NFATC3: variants seen among roughly 807,000 people sequenced by gnomAD.
The protein encoded by NFATC3 is nuclear factor of activated T cells 3.
NFATC3 carries 46 observed loss-of-function variants against 98.6 expected under a neutral mutation model. That is an observed-to-expected ratio of 0.47 (90% confidence interval 0.37 to 0.60). The LOEUF (loss-of-function observed/expected upper bound fraction) is 0.60, where lower values mean the gene tolerates loss of function less well. Among genes scored for constraint, NFATC3 ranks in the 20% least tolerant of loss-of-function variants. The pLI, the probability that NFATC3 is intolerant of heterozygous loss-of-function variation, is 0.00. For synonymous variants in NFATC3, 512 were observed against 472.2 expected (o/e 1.08, Z -1.09); for missense variants, 1,256 against 1,295.5 (o/e 0.97, Z 0.47).
intron 2 of NFATC3, among the ~76,000 whole-genome samples, chr16:68,124,309 C>CT (rs1290784165): frequency 2.6e-5 from 4 of 151,806 alleles, no homozygotes; most frequent in Non-Finnish European, 5.9e-5. Context: ...GAGATGGGGT[C>CT]TTGCTTTGTT....
intron 8 of NFATC3, among the ~76,000 whole-genome samples, chr16:68,190,048 A>G (rs941038220): frequency 2.6e-5 from 4 of 152,246 alleles, no homozygotes; most frequent in African/African-American, 9.6e-5. Context: ...CCCAAAAACA[A>G]AAAAAAGAAA....
In NFATC3 at chr16:68,085,856, G is replaced by T. The variant is rs1461009981; in HGVS notation, c.103+72G>T. On this transcript the variant is annotated intron_variant, in intron 1 of 9. Transcript: ENST00000346183. ...TCGCAGGATCTCTCGCTCCCTCCCT[G>T]TTCCCTTGGATGACCGGAGACCGAT... is the stretch of plus-strand genomic sequence containing the variant. The T allele has an allele frequency of 3.3e-6, 4 of 1,195,490 alleles. No individual in the cohort carries two copies. In the East Asian group the frequency reaches 1.3e-4, roughly 38 times the overall value. The allele number at this position is 1,195,490 out of a possible 1,614,324, so 74.1% of individuals were successfully genotyped here.
At chr16:68,214,811 G>T (rs1390090964) in intron 9 of NFATC3, among the ~76,000 whole-genome samples, 1 of 152,160 alleles carries the variant, frequency 6.6e-6, no homozygotes, top group Non-Finnish European at 1.5e-5. Flanking sequence ...TGATGTGAAT[G>T]AAATCAGGAA....
intron 8 of NFATC3, 116 bp downstream of exon 8, chr16:68,183,482 C>T: frequency 9.6e-7 from 1 of 1,042,908 alleles, no homozygotes; most frequent in Admixed American, 2.8e-5. Flanking sequence ...AATGAAAACA[C>T]CAACAGATGC....
At position 68,191,372 on chromosome 16, in the gene NFATC3, G is replaced by A. The variant is rs1188786534; in HGVS notation, c.2703G>A (p.Gln901=). The change falls in exon 9 of 10, where the codon CAG becomes CAA. Residue 901 remains glutamine, a synonymous_variant. Transcript: ENST00000346183. ...QRSLSSPVAD[Q]ITGQPSSQLQ... is the part of the protein sequence containing the mutation. ...CTCTTTCTTCTCCAGTGGCTGACCA[G>A]ATTACAGGTCAGCCTTCGTCTCAGT... The A allele has an allele frequency of 2.5e-6, 4 of 1,614,034 alleles. No individual in the cohort carries two copies. The Admixed American group carries it at 5.0e-5, about 20-fold the overall frequency.
Position 68,138,684 on chromosome 16 carries a change from A to C in NFATC3, c.1401+12074A>C, listed in dbSNP as rs12597380. The C allele has an allele frequency of 6.3e-5, 81 of 1,287,202 alleles. No individual in the cohort carries two copies. The South Asian group carries it at 9.1e-4, about 15-fold the overall frequency. 79.7% of individuals were successfully genotyped at this position (1,287,202 alleles called of 1,614,324 possible). A position where few individuals can be genotyped will look rare whatever the true frequency, so the allele number is the denominator to read the frequency against. On this transcript the variant is annotated intron_variant, in intron 3 of 9. Coordinates refer to ENST00000346183, the MANE Select transcript of NFATC3 (RefSeq NM_173165.3). ...TGGCTACAAGTAGTCACATGGCCCT[A>C]CTTACATGCAGAAGTACTGGGAAAA...
chr16:68,173,597 A>G (rs545353801), intron 5 of NFATC3, among the ~76,000 whole-genome samples: 63 of 152,198 alleles, frequency 4.1e-4, no homozygotes, highest in Non-Finnish European at 5.9e-4. Flanking sequence ...ATGAATTTAA[A>G]AAGAAAGGCT....
intron 1 of NFATC3, among the ~76,000 whole-genome samples, chr16:68,098,297 A>AT (rs71382032): frequency 0.014 from 1,372 of 101,268 alleles, 80 homozygotes; most frequent in African/African-American, 0.053. Context: ...TATTATTATT[A>AT]TTATTTTTTT....
At chr16:68,139,762 T>G (rs1447076902) in intron 3 of NFATC3, among the ~76,000 whole-genome samples, 1 of 152,214 alleles carries the variant, frequency 6.6e-6, no homozygotes, top group African/African-American at 2.4e-5. Context: ...CAAAGCAGTT[T>G]GCTAATGTAG....
chr16:68,206,464 C>T (rs2041148140), intron 9 of NFATC3, among the ~76,000 whole-genome samples: 1 of 152,174 alleles, frequency 6.6e-6, no homozygotes, highest in Non-Finnish European at 1.5e-5. Flanking sequence ...TTTCCCTACT[C>T]TAGATACTTC....
intron 4 of NFATC3, among the ~76,000 whole-genome samples, chr16:68,158,896 G>C (rs113643858): frequency 9.9e-5 from 15 of 152,214 alleles, no homozygotes; most frequent in African/African-American, 3.6e-4. Context: ...TTATATGTAA[G>C]GAACACATGG....
In NFATC3 at chr16:68,174,481, G is replaced by C; in HGVS notation, c.1882G>C (p.Glu628Gln). The C allele has an allele frequency of 6.2e-7, 1 of 1,603,544 alleles. No individual in the cohort carries two copies. The highest frequency in any genetic ancestry group is 1.3e-5 in the African/African-American group (1 of 74,714). Residue 628 changes from glutamate to glutamine, a missense_variant, in exon 6 of 10, where the codon GAA becomes CAA. Around this residue, in one of 3 missense-constraint regions of NFATC3, gnomAD observed 636 missense variants for 617.3 expected, o/e 1.03. Coordinates refer to ENST00000346183, the MANE Select transcript of NFATC3 (RefSeq NM_173165.3). ...MVVTGSNFLP[E>Q]SKIIFLEKGQ... The stretch of plus-strand genomic sequence containing the variant: ...TGTGACTGGATCTAATTTTCTTCCA[G>C]AATCCAAAATCATTTTTCTTGAAAA...
At chr16:68,175,752 A>AT (rs1200117178) in intron 6 of NFATC3, among the ~76,000 whole-genome samples, 1 of 151,268 alleles carries the variant, frequency 6.6e-6, no homozygotes, top group East Asian at 2.0e-4. Flanking sequence ...TAGACACGGG[A>AT]TTTTGCCACC....
intron 9 of NFATC3, among the ~76,000 whole-genome samples, chr16:68,205,018 A>G (rs928262755): frequency 8.2e-5 from 12 of 145,466 alleles, no homozygotes; most frequent in Non-Finnish European, 1.8e-4. Context: ...TTTTAAAGAC[A>G]TTTCCAAAGC....
chr16:68,106,236 A>G (rs1215049098), intron 1 of NFATC3, among the ~76,000 whole-genome samples: 1 of 151,738 alleles, frequency 6.6e-6, no homozygotes, highest in Non-Finnish European at 1.5e-5. Context: ...GTTGTAATAC[A>G]TTCTAACAAA....
At chr16:68,192,230 A>AAAAAAAAAAAAATAT (rs1555522047) in intron 9 of NFATC3, 1 of 82,600 alleles carries the variant, frequency 1.2e-5, no homozygotes, top group African/African-American at 5.7e-5. Context: ...AAAAAAAAAA[A>AAAAAAAAAAAAATAT]ATATATATAT....
chr16:68,086,054 G>T, intron 1 of NFATC3: 1 of 383,766 alleles, frequency 2.6e-6, no homozygotes, highest in Non-Finnish European at 4.7e-6. Flanking sequence ...CCAGGGTCCG[G>T]GCTGCTGCCC....
At chr16:68,217,787 A>C in intron 9 of NFATC3, 1 of 1,231,642 alleles carries the variant, frequency 8.1e-7, no homozygotes, top group Non-Finnish European at 1.0e-6. Flanking sequence ...AGGGAGGAAG[A>C]AGGAGGCCAA....
At chr16:68,165,440 A>T (rs1466283411) in intron 4 of NFATC3, among the ~76,000 whole-genome samples, 4 of 127,500 alleles carry the variant, frequency 3.1e-5, no homozygotes, top group African/African-American at 6.2e-5. Flanking sequence ...TCTGTTGCCC[A>T]GGCTGGAGTG....
Sources: allele counts gnomAD v4.1 joint callset (sites outside exome capture counted in the v4.1 genomes callset), GRCh38; gene constraint gnomAD v4.1.1; regional missense constraint gnomAD v4.1.1; transcripts MANE v1.5; gene names NCBI Gene and HGNC (gene_info 2026-07-23, HGNC 2026-07-21).